The following MND1 variants were observed in gnomAD, a reference collection of about 807,000 sequenced individuals.
MND1 encodes the protein meiotic nuclear divisions 1.
In MND1, 28 loss-of-function variants were observed where a neutral mutation model predicts 35.1. The observed-to-expected ratio is 0.80, with a 90% CI of 0.59 to 1.09. The LOEUF is 1.09. Ranked by LOEUF, MND1 falls within the 50% of genes least tolerant of loss-of-function variation. The pLI is 0.00. For synonymous variants in MND1, 69 were observed against 70.5 expected, an observed-to-expected ratio of 0.98 and a Z score of 0.11; for missense variants, 213 against 239.6, an observed-to-expected ratio of 0.89 and a Z score of 0.73.
chr4:153,352,984 C>G (rs1773252834), intron 2 of MND1, among the ~76,000 whole-genome samples: 1 of 152,102 alleles, frequency 6.6e-6, no homozygotes, highest in African/African-American at 2.4e-5. Flanking sequence ...AGCAGCCCCA[C>G]TGGGGCAGCC....
At chr4:153,402,146 A>G (rs1005604128) in intron 6 of MND1, among the ~76,000 whole-genome samples, 1 of 152,170 alleles carries the variant, frequency 6.6e-6, no homozygotes, top group African/African-American at 2.4e-5. Context: ...AGAGCGAAAC[A>G]GTCTCAAAAC....
chr4:153,345,189 A>C (rs1773045058), intron 1 of MND1, among the ~76,000 whole-genome samples: 1 of 152,252 alleles, frequency 6.6e-6, no homozygotes, highest in South Asian at 2.1e-4. Flanking sequence ...CGGGGAGAGA[A>C]AGCGCAAGTG....
chr4:153,383,143 C>T (rs1728755027), intron 4 of MND1, among the ~76,000 whole-genome samples: 1 of 152,168 alleles, frequency 6.6e-6, no homozygotes, highest in South Asian at 2.1e-4. Context: ...ATGAGTATTT[C>T]CATGGACTGC....
chr4:153,382,211 T>C (rs922587602), intron 4 of MND1, among the ~76,000 whole-genome samples: 1 of 152,082 alleles, frequency 6.6e-6, no homozygotes, highest in Admixed American at 6.5e-5. Flanking sequence ...TGATAACTTA[T>C]TTTGAAAAAA....
intron 1 of MND1, among the ~76,000 whole-genome samples, chr4:153,349,443 A>G (rs1773158197): frequency 6.6e-6 from 1 of 152,190 alleles, no homozygotes; most frequent in African/African-American, 2.4e-5. Flanking sequence ...GTCCACTGTC[A>G]GCTGGACAGT....
intron 4 of MND1, among the ~76,000 whole-genome samples, chr4:153,361,076 T>C (rs1324231218): frequency 6.6e-6 from 1 of 152,174 alleles, no homozygotes; most frequent in Admixed American, 6.5e-5. Context: ...TGAACTCAAG[T>C]GATCCACCTA....
chr4:153,400,637 A>G (rs1729323466), intron 6 of MND1, among the ~76,000 whole-genome samples: 1 of 152,184 alleles, frequency 6.6e-6, no homozygotes, highest in Non-Finnish European at 1.5e-5. Context: ...CCTTGCACCC[A>G]GTAGTTCAAG....
intron 4 of MND1, among the ~76,000 whole-genome samples, chr4:153,380,905 G>GT (rs11426639): frequency 0.26 from 38,019 of 147,028 alleles, 5,391 homozygotes; most frequent in African/African-American, 0.41. Flanking sequence ...AGACATCAGA[G>GT]TTTTTTTTTT....
Position 153,355,931 on chromosome 4 carries a change from T to C in MND1, c.127+220T>C, listed in dbSNP as rs1773328377. 1.2e-5 allele frequency: 5 copies of C among 402,090 alleles called. No individual in the cohort carries two copies. In the South Asian group the frequency reaches 2.4e-4, roughly 20 times the overall value. The allele number at this position is 402,090 out of a possible 1,614,324, so 24.9% of individuals were successfully genotyped here. A position where few individuals can be genotyped will look rare whatever the true frequency, so the allele number is the denominator to read the frequency against. ...CATCCTGTATATTACATTTTGAATATATATCCCTGTCATTAAATATCCTTT... is the reference window on the plus strand; with the variant it reads ...CATCCTGTATATTACATTTTGAATACATATCCCTGTCATTAAATATCCTTT... On this transcript the variant is annotated intron_variant, in intron 3 of 7. Transcript: ENST00000240488.
At chr4:153,403,309 C>CT (rs1729393791) in intron 6 of MND1, among the ~76,000 whole-genome samples, 2 of 152,340 alleles carry the variant, frequency 1.3e-5, no homozygotes, top group South Asian at 4.1e-4. Flanking sequence ...GAAGCAAAGA[C>CT]TAAGTCAGAG....
chr4:153,407,908 G>C (rs1554013664), intron 6 of MND1, among the ~76,000 whole-genome samples: 1 of 152,114 alleles, frequency 6.6e-6, no homozygotes, highest in Non-Finnish European at 1.5e-5. Context: ...GGGCACAAGG[G>C]TTTTTTCTGG....
intron 4 of MND1, among the ~76,000 whole-genome samples, chr4:153,389,647 C>T (rs1380742915): frequency 6.6e-6 from 1 of 152,180 alleles, no homozygotes; most frequent in African/African-American, 2.4e-5. Flanking sequence ...TGGTGTAAGC[C>T]ACTGCGCCCA....
chr4:153,408,959 A>ATT lies in MND1; in HGVS notation c.467-5_467-4dup. ...AAATACATTTCATTTTATATATATA[A>ATT]TTTTTTTTCAGGCCAAGCAAATAAA... is the stretch of plus-strand genomic sequence containing the variant. On this transcript the variant is annotated splice_polypyrimidine_tract_variant and intron_variant, in intron 6 of 7. Coordinates refer to ENST00000240488, the MANE Select transcript of MND1 (RefSeq NM_032117.4). 2.0e-6 allele frequency: 2 copies of ATT among 984,098 alleles called. No individual in the cohort carries two copies. The highest frequency in any genetic ancestry group is 2.6e-6 in the Non-Finnish European group (2 of 761,474). 61.0% of individuals were successfully genotyped at this position (984,098 alleles called of 1,614,324 possible). A position where few individuals can be genotyped will look rare whatever the true frequency, so the allele number is the denominator to read the frequency against.
chr4:153,398,067 G>C (rs905816724), intron 6 of MND1, among the ~76,000 whole-genome samples: 13 of 152,098 alleles, frequency 8.5e-5, no homozygotes, highest in Non-Finnish European at 1.9e-4. Context: ...CAGAAAATCA[G>C]TCTGTACATT....
intron 6 of MND1, among the ~76,000 whole-genome samples, chr4:153,398,356 G>A (rs1729255515): frequency 1.3e-5 from 2 of 152,196 alleles, no homozygotes; most frequent in Admixed American, 1.3e-4. Context: ...AGAAGGCTTT[G>A]AAAGAAATGG....
At chr4:153,365,719 C>T (rs1343700488) in intron 4 of MND1, among the ~76,000 whole-genome samples, 2 of 152,170 alleles carry the variant, frequency 1.3e-5, no homozygotes, top group Non-Finnish European at 2.9e-5. Context: ...CCCATCTCAG[C>T]CTCGCAAAGT....
At chr4:153,389,564 T>C (rs2149650383) in intron 4 of MND1, among the ~76,000 whole-genome samples, 2 of 152,284 alleles carry the variant, frequency 1.3e-5, no homozygotes, top group East Asian at 3.9e-4. Flanking sequence ...TTTCACCATG[T>C]TGGTCAGGCT....
chr4:153,405,356 G>A (rs1031771030), intron 6 of MND1, among the ~76,000 whole-genome samples: 4 of 151,926 alleles, frequency 2.6e-5, no homozygotes, highest in Non-Finnish European at 5.9e-5. Context: ...TGGCTAACAC[G>A]GTGAAACCCC....
At chr4:153,401,268 T>C in intron 6 of MND1, among the ~76,000 whole-genome samples, 1 of 151,982 alleles carries the variant, frequency 6.6e-6, no homozygotes, top group African/African-American at 2.4e-5. Context: ...TTTAAAAATA[T>C]GAAAATGGCA....
Sources: allele counts gnomAD v4.1 joint callset (sites outside exome capture counted in the v4.1 genomes callset), GRCh38; gene constraint gnomAD v4.1.1; transcripts MANE v1.5; gene names NCBI Gene and HGNC (gene_info 2026-07-23, HGNC 2026-07-21).